Variants in OSBPL10 observed in about 807,000 individuals in gnomAD.
OSBPL10 encodes the protein oxysterol-binding protein-related protein 10.
In OSBPL10, 49 loss-of-function variants were observed where a neutral mutation model predicts 81.7. The ratio of observed to expected loss-of-function variants is 0.60; its 90% CI spans 0.48 to 0.76. OSBPL10 has a LOEUF of 0.76. Ranked by LOEUF, OSBPL10 falls within the 30% of genes least tolerant of loss-of-function variation. OSBPL10 has a pLI of 0.00. For synonymous variants in OSBPL10, 419 were observed against 383.6 expected (o/e 1.09, Z -1.08); for missense variants, 923 against 987.8 (o/e 0.93, Z 0.88).
chr3:32,016,267 T>C (rs2125542502), intron 2 of OSBPL10, among the ~76,000 whole-genome samples: 2 of 152,216 alleles, frequency 1.3e-5, no homozygotes, highest in South Asian at 4.1e-4. Flanking sequence ...TATGCAGCTA[T>C]AAAAAATGAT....
intron 4 of OSBPL10, among the ~76,000 whole-genome samples, chr3:31,766,428 A>G (rs888066136): frequency 6.7e-6 from 1 of 149,426 alleles, no homozygotes; most frequent in Non-Finnish European, 1.5e-5. Context: ...TTGCAGACTC[A>G]ACCTCCAGGA....
intron 7 of OSBPL10, among the ~76,000 whole-genome samples, chr3:31,684,768 T>C (rs1314297852): frequency 6.6e-6 from 1 of 152,210 alleles, no homozygotes; most frequent in African/African-American, 2.4e-5. Context: ...AGAGGGGCCA[T>C]GGTGATTCCA....
intron 4 of OSBPL10, among the ~76,000 whole-genome samples, chr3:31,782,896 A>G (rs1019705112): frequency 2.6e-5 from 4 of 152,092 alleles, no homozygotes; most frequent in Non-Finnish European, 5.9e-5. Flanking sequence ...TTGAAGTACT[A>G]AAAGTAGATC....
At chr3:31,808,925 T>G (rs542607227) in intron 4 of OSBPL10, among the ~76,000 whole-genome samples, 6 of 152,316 alleles carry the variant, frequency 3.9e-5, no homozygotes, top group Admixed American at 3.9e-4. Flanking sequence ...AGGAATCAAT[T>G]AATACCTCTT....
intron 4 of OSBPL10, among the ~76,000 whole-genome samples, chr3:31,773,844 TAGC>T (rs2125753055): frequency 6.6e-6 from 1 of 152,298 alleles, no homozygotes; most frequent in East Asian, 1.9e-4. Context: ...CTCATGTAAT[TAGC>T]AGGTAATCTT....
At chr3:32,037,492 AT>A (rs200716149) in intron 2 of OSBPL10, 545 of 182,980 alleles carry the variant, frequency 3.0e-3, no homozygotes, top group East Asian at 7.0e-3. Flanking sequence ...TTCTAAAAAA[AT>A]TTTTTTTTTC....
chr3:32,029,352 G>A (rs932935172), intron 2 of OSBPL10, among the ~76,000 whole-genome samples: 5 of 152,014 alleles, frequency 3.3e-5, no homozygotes, highest in African/African-American at 1.2e-4. Flanking sequence ...GGGTACATGT[G>A]CACAACGTGC....
At chr3:32,024,739 G>T (rs915390089) in intron 2 of OSBPL10, among the ~76,000 whole-genome samples, 62 of 152,088 alleles carry the variant, frequency 4.1e-4, no homozygotes, top group African/African-American at 1.5e-3. Context: ...CTCCCAAAGT[G>T]CTGGGATTAC....
chr3:31,808,230 G>T (rs1181230840), intron 4 of OSBPL10, among the ~76,000 whole-genome samples: 1 of 152,156 alleles, frequency 6.6e-6, no homozygotes, highest in Non-Finnish European at 1.5e-5. Context: ...CAGGAGGTTG[G>T]AGGGAAAGGG....
chr3:31,978,680 G>A (rs1468248584), intron 1 of OSBPL10, among the ~76,000 whole-genome samples: 2 of 152,170 alleles, frequency 1.3e-5, no homozygotes, highest in Non-Finnish European at 1.5e-5. Context: ...GGAAAACGGT[G>A]AGTCTACTGT....
chr3:31,944,648 A>G (rs1466236203), intron 1 of OSBPL10, among the ~76,000 whole-genome samples: 1 of 151,116 alleles, frequency 6.6e-6, no homozygotes, highest in African/African-American at 2.5e-5. Flanking sequence ...CCTATAATAC[A>G]TAATGCCTAT....
chr3:31,710,071 C>T (rs1006677374), intron 6 of OSBPL10, among the ~76,000 whole-genome samples: 6 of 152,244 alleles, frequency 3.9e-5, no homozygotes, highest in Non-Finnish European at 8.8e-5. Flanking sequence ...GAGACCACCA[C>T]AGCTTTAGGA....
chr3:31,827,706 GA>G (rs1294213736), intron 4 of OSBPL10, among the ~76,000 whole-genome samples: 3 of 152,056 alleles, frequency 2.0e-5, no homozygotes, highest in South Asian at 4.2e-4. Context: ...AATACACAGG[GA>G]AAAAAACCCA....
At chr3:31,670,676 C>A in intron 9 of OSBPL10, 121 bp downstream of exon 9, 1 of 1,195,312 alleles carries the variant, frequency 8.4e-7, no homozygotes. Context: ...TGGAAAAGAC[C>A]TTAACAAGTT....
At chr3:31,883,395 C>A (rs1695643901) in intron 1 of OSBPL10, among the ~76,000 whole-genome samples, 1 of 151,920 alleles carries the variant, frequency 6.6e-6, no homozygotes, top group Admixed American at 6.6e-5. Flanking sequence ...CACCACCACG[C>A]CCAGCTAATT....
At chr3:31,689,082 C>G (rs943732198) in intron 7 of OSBPL10, among the ~76,000 whole-genome samples, 1 of 152,012 alleles carries the variant, frequency 6.6e-6, no homozygotes. Flanking sequence ...CCAATTATTA[C>G]TGCCCAAATT....
intron 8 of OSBPL10, among the ~76,000 whole-genome samples, chr3:31,677,854 G>A (rs1041783735): frequency 3.3e-5 from 5 of 151,752 alleles, no homozygotes; most frequent in Non-Finnish European, 7.4e-5. Context: ...GGCCGAGGCG[G>A]GTGGATCATG....
At chr3:31,932,676 T>C (rs1446202661) in intron 1 of OSBPL10, among the ~76,000 whole-genome samples, 1 of 152,094 alleles carries the variant, frequency 6.6e-6, no homozygotes, top group African/African-American at 2.4e-5. Flanking sequence ...TTTAACATCA[T>C]TTTAATGATG....
At chr3:31,917,230 G>A (rs1167579145) in intron 1 of OSBPL10, among the ~76,000 whole-genome samples, 1 of 152,090 alleles carries the variant, frequency 6.6e-6, no homozygotes, top group Non-Finnish European at 1.5e-5. Flanking sequence ...TGGGGCCAAG[G>A]GCCTTGGCAA....
Sources: gnomAD v4.1 joint callset for allele counts (sites outside exome capture counted in the v4.1 genomes callset) on GRCh38, gnomAD v4.1.1 for gene constraint, MANE v1.5 for transcripts, NCBI Gene and HGNC (gene_info 2026-07-23, HGNC 2026-07-21) for gene names.